RIMS2: variants seen among roughly 807,000 people sequenced by gnomAD.
RIMS2 encodes the protein regulating synaptic membrane exocytosis 2, also known as regulating synaptic membrane exocytosis protein 2.
In RIMS2, 59 loss-of-function variants were observed where a neutral mutation model predicts 174.4. The ratio of observed to expected loss-of-function variants is 0.34; its 90% CI spans 0.27 to 0.42. The LOEUF (loss-of-function observed/expected upper bound fraction) is 0.42, where lower values mean the gene tolerates loss of function less well. Among genes scored for constraint, RIMS2 ranks in the 10% least tolerant of loss-of-function variants. The pLI is 1.00. For missense variants in RIMS2, 1,620 were observed against 1,666.3 expected, an observed-to-expected ratio of 0.97 and a Z score of 0.48; for synonymous variants, 606 against 572.5, an observed-to-expected ratio of 1.06 and a Z score of -0.84.
chr8:104,031,795 GA>G (rs2096398947), intron 19 of RIMS2, among the ~76,000 whole-genome samples: 1 of 152,106 alleles, frequency 6.6e-6, no homozygotes, highest in Admixed American at 6.6e-5. Context: ...GAAACCATAT[GA>G]AAGCATGAGA....
intron 19 of RIMS2, among the ~76,000 whole-genome samples, chr8:104,035,430 T>G: frequency 6.6e-6 from 1 of 151,812 alleles, no homozygotes; most frequent in East Asian, 1.9e-4. Flanking sequence ...AATTAATATA[T>G]TAATCTTTAA....
At chr8:103,786,508 C>CT (rs1439248947) in intron 3 of RIMS2, among the ~76,000 whole-genome samples, 2 of 152,124 alleles carry the variant, frequency 1.3e-5, no homozygotes, top group African/African-American at 4.8e-5. Context: ...ATCTTTATTT[C>CT]TGCCTTCACT....
At chr8:104,050,722 G>A (rs577558623) in intron 19 of RIMS2, among the ~76,000 whole-genome samples, 1 of 152,222 alleles carries the variant, frequency 6.6e-6, no homozygotes, top group South Asian at 2.1e-4. Flanking sequence ...GCACTGGACG[G>A]TAGTTATGAT....
chr8:103,523,906 T>A (rs1400068884), intron 1 of RIMS2, among the ~76,000 whole-genome samples: 1 of 152,100 alleles, frequency 6.6e-6, no homozygotes, highest in Non-Finnish European at 1.5e-5. Flanking sequence ...GTACAACCTA[T>A]AGGTATGAGT....
chr8:103,957,773 A>T (rs1006113863), intron 14 of RIMS2, among the ~76,000 whole-genome samples: 4 of 152,180 alleles, frequency 2.6e-5, no homozygotes, highest in African/African-American at 9.7e-5. Context: ...AAAAGAAGAC[A>T]TGCATGCGGC....
intron 19 of RIMS2, among the ~76,000 whole-genome samples, chr8:104,100,999 TATATATG>T (rs1347568913): frequency 3.8e-5 from 5 of 132,640 alleles, no homozygotes; most frequent in African/African-American, 1.3e-4. Flanking sequence ...TAGTATATGT[TATATATG>T]ATATATTACA....
intron 2 of RIMS2, among the ~76,000 whole-genome samples, chr8:103,708,806 G>A (rs1230332579): frequency 6.6e-6 from 1 of 151,934 alleles, no homozygotes; most frequent in African/African-American, 2.4e-5. Context: ...GTGTCTCTTT[G>A]GTTTGAGGTT....
Position 103,910,020 on chromosome 8 carries a change from A to T in RIMS2, c.1625-114A>T. ...TATATATATATATAGTGAGTGCTAC[A>T]GACAAAGTTCTTGAGACCAGACAGG... On this transcript the variant is annotated intron_variant, in intron 4 of 23. Transcript: ENST00000504942. 2 of 622,062 alleles carry T rather than the reference A, an allele frequency of 3.2e-6. 1 individual carries two copies. The highest frequency in any genetic ancestry group is 4.1e-5 in the South Asian group (2 of 48,522). 38.5% of individuals were successfully genotyped at this position (622,062 alleles called of 1,614,324 possible).
chr8:103,900,439 T>TAC (rs1208361246), intron 4 of RIMS2, among the ~76,000 whole-genome samples: 2 of 148,648 alleles, frequency 1.3e-5, no homozygotes, highest in East Asian at 3.9e-4. Flanking sequence ...GGCCAGGCCA[T>TAC]TATAGTAGTT....
intron 1 of RIMS2, among the ~76,000 whole-genome samples, chr8:103,563,447 C>T (rs2091913120): frequency 6.6e-6 from 1 of 152,178 alleles, no homozygotes; most frequent in Non-Finnish European, 1.5e-5. Context: ...GTCACCTTTG[C>T]TCCAATTCCC....
At chr8:103,721,849 T>C (rs899749902) in intron 2 of RIMS2, among the ~76,000 whole-genome samples, 5 of 152,130 alleles carry the variant, frequency 3.3e-5, no homozygotes, top group Non-Finnish European at 7.4e-5. Context: ...GTTGGTGGAT[T>C]TGAGAGTTGA....
intron 2 of RIMS2, among the ~76,000 whole-genome samples, chr8:103,734,013 T>G (rs1373064552): frequency 8.4e-6 from 1 of 118,888 alleles, no homozygotes; most frequent in Non-Finnish European, 1.7e-5. Flanking sequence ...CCTAAAAGCT[T>G]CTTTTTTTTT....
At chr8:103,586,500 T>C (rs2093928315) in intron 1 of RIMS2, among the ~76,000 whole-genome samples, 1 of 151,908 alleles carries the variant, frequency 6.6e-6, no homozygotes, top group South Asian at 2.1e-4. Context: ...AAATGACCAG[T>C]GAGTCAATGA....
intron 19 of RIMS2, among the ~76,000 whole-genome samples, chr8:104,056,964 C>A (rs2096879392): frequency 6.6e-6 from 1 of 152,074 alleles, no homozygotes; most frequent in Admixed American, 6.6e-5. Flanking sequence ...GTTTCAAGGT[C>A]CCGTCAACTC....
At chr8:104,023,117 A>T (rs2096150274) in intron 19 of RIMS2, among the ~76,000 whole-genome samples, 1 of 152,136 alleles carries the variant, frequency 6.6e-6, no homozygotes, top group African/African-American at 2.4e-5. Context: ...TGTTTTTTTA[A>T]TTGGTTAAAG....
At chr8:104,113,542 T>G (rs963921345) in intron 19 of RIMS2, among the ~76,000 whole-genome samples, 8 of 152,080 alleles carry the variant, frequency 5.3e-5, no homozygotes, top group Admixed American at 2.6e-4. Flanking sequence ...TCTGTATTTA[T>G]GATATGTTTC....
chr8:103,588,620 T>C (rs11786722), intron 1 of RIMS2, among the ~76,000 whole-genome samples: 27,672 of 151,720 alleles, frequency 0.18, 2,769 homozygotes, highest in African/African-American at 0.26. Flanking sequence ...CTACAGTGAA[T>C]TCATTTTTGA....
intron 19 of RIMS2, among the ~76,000 whole-genome samples, chr8:104,159,396 T>C (rs1180134247): frequency 1.3e-5 from 2 of 152,208 alleles, no homozygotes; most frequent in Non-Finnish European, 2.9e-5. Flanking sequence ...TTTGGTTCCA[T>C]ATGAACTTTA....
intron 19 of RIMS2, among the ~76,000 whole-genome samples, chr8:104,143,177 T>C (rs1340787154): frequency 6.6e-6 from 1 of 152,230 alleles, no homozygotes; most frequent in Non-Finnish European, 1.5e-5. Context: ...TTTGTCATAA[T>C]AGGTGTTCAG....
Sources: gnomAD v4.1 joint callset for allele counts (sites outside exome capture counted in the v4.1 genomes callset) on GRCh38, gnomAD v4.1.1 for gene constraint, MANE v1.5 for transcripts, NCBI Gene and HGNC (gene_info 2026-07-23, HGNC 2026-07-21) for gene names.